Variants in ACSM2A observed in about 807,000 individuals in gnomAD.
The protein encoded by ACSM2A is acyl-coenzyme A synthetase ACSM2A, mitochondrial.
A neutral mutation model predicts 76.6 loss-of-function variants in ACSM2A; 72 were observed. That is an observed-to-expected ratio of 0.94 (90% CI 0.78 to 1.14). ACSM2A has a LOEUF of 1.14. Ranked by LOEUF, ACSM2A falls within the 50% of genes most tolerant of loss-of-function variation. ACSM2A has a pLI of 0.00. For synonymous variants in ACSM2A, 249 were observed against 255.9 expected (o/e 0.97, Z 0.26); for missense variants, 684 against 708.5 (o/e 0.97, Z 0.39).
In ACSM2A at chr16:20,486,630, G is replaced by A. The variant is rs1054980; in HGVS notation, c.1686G>A (p.Lys562=). 30 of 1,613,954 alleles carry A rather than the reference G, an allele frequency of 1.9e-5. No homozygotes were observed. Among genetic ancestry groups the A allele is most frequent in the East Asian group, 2.2e-5 (1 of 44,902 alleles). Reference sequence around the variant, plus strand: ...TCACAGGGAAAATTCAACGAGCCAAGCTTCGAGACAAGGAGTGGAAGATGT... The same window carrying A: ...TCACAGGGAAAATTCAACGAGCCAAACTTCGAGACAAGGAGTGGAAGATGT... The part of the protein sequence containing the change: ...KTVTGKIQRA[K]LRDKEWKMSG... The change falls in exon 14 of 14, where the codon AAG becomes AAA. Residue 562 remains lysine (K), a synonymous_variant. Coordinates refer to ENST00000573854, the MANE Select transcript of ACSM2A (RefSeq NM_001308172.2).
chr16:20,475,403 C>T lies in ACSM2A; in HGVS notation c.936C>T (p.Pro312=), dbSNP rs4453479. ...CAATCAAGAGTATGATGGGTGCCCC[C>T]ATTGTTTACCGGATGTTGCTACAGC... ...SYPIKSMMGA[P]IVYRMLLQQD... Residue 312 remains proline (P), a synonymous_variant, in exon 7 of 14, where the codon CCC becomes CCT. Coordinates refer to ENST00000573854, the MANE Select transcript of ACSM2A (RefSeq NM_001308172.2). The T allele has an allele frequency of 1.7e-4, 271 of 1,612,280 alleles. 2 individuals are homozygous for T. The African/African-American group carries it at 1.8e-3, about 11-fold the overall frequency.
chr16:20,486,546 C>A, intron 13 of ACSM2A, 28 bp from the exon 14 acceptor site: 1 of 1,612,380 alleles, frequency 6.2e-7, no homozygotes, highest in Non-Finnish European at 8.5e-7. Context: ...ACAGATCACC[C>A]ACCCTGGACT....
chr16:20,479,685 C>A lies in ACSM2A; in HGVS notation c.1282-888C>A, dbSNP rs566822048. ...AGCATTTCCTTTGTGTGGTCCCACT[C>A]TATTCTCAAATGCCAGTGAAGTACT... On this transcript the variant is annotated intron_variant, in intron 10 of 13. Transcript: ENST00000573854. Among the ~76,000 whole-genome samples the A allele has an allele frequency of 4.5e-4, 69 of 152,310 alleles. 1 individual carries two copies. The Middle Eastern group carries it at 0.01, about 23-fold the overall frequency.
At chr16:20,480,792 G>T in intron 11 of ACSM2A, 30 bp from the exon 12 acceptor site, 2 of 1,613,854 alleles carry the variant, frequency 1.2e-6, no homozygotes, top group Non-Finnish European at 1.7e-6. Context: ...TCGGTGTCCA[G>T]TGTTCTCTGA....
At chr16:20,478,513 A>G (rs918859958) in intron 9 of ACSM2A, 63 bp from the exon 10 acceptor site, 1 of 1,569,860 alleles carries the variant, frequency 6.4e-7, no homozygotes, top group Non-Finnish European at 8.7e-7. Flanking sequence ...CAGCAATCTC[A>G]TGATGCCATT....
chr16:20,475,047 A>G (rs1021190905), intron 6 of ACSM2A, among the ~76,000 whole-genome samples: 1 of 147,966 alleles, frequency 6.8e-6, no homozygotes, highest in South Asian at 2.1e-4. Flanking sequence ...CTGGGGGGTG[A>G]TCTACTCCTA....
intron 3 of ACSM2A, among the ~76,000 whole-genome samples, chr16:20,467,806 A>G (rs1337095111): frequency 6.6e-6 from 1 of 152,148 alleles, no homozygotes; most frequent in African/African-American, 2.4e-5. Context: ...TTTGACATGG[A>G]GACAGAAATT....
In ACSM2A at chr16:20,475,681, A is replaced by C; in HGVS notation, c.1006A>C (p.Thr336Pro). ...GTTCCCCCATCTACAGAACTGCGTCACTGTAGGGGAGTCCCTTCTTCCAGA... is the reference window on the plus strand; with the variant it reads ...GTTCCCCCATCTACAGAACTGCGTCCCTGTAGGGGAGTCCCTTCTTCCAGA... ...YKFPHLQNCV[T>P]VGESLLPETL... Residue 336 changes from threonine (T) to proline (P), a missense_variant, in exon 8 of 14, where the codon ACT becomes CCT. This residue lies in a region of ACSM2A where 519 missense variants were observed against 549.5 expected (regional missense o/e 0.94). Transcript: ENST00000573854. 7.4e-6 allele frequency: 12 copies of C among 1,613,974 alleles called. No individual in the cohort carries two copies. Among genetic ancestry groups the C allele is most frequent in the Non-Finnish European group, 1.0e-5 (12 of 1,179,904 alleles).
intron 4 of ACSM2A, among the ~76,000 whole-genome samples, chr16:20,470,018 C>T (rs1202578692): frequency 2.6e-5 from 4 of 151,796 alleles, no homozygotes; most frequent in African/African-American, 4.9e-5. Flanking sequence ...CATCTGGTCC[C>T]CACAGGTTCA....
intron 8 of ACSM2A, chr16:20,476,010 A>G: frequency 7.1e-6 from 8 of 1,121,286 alleles, no homozygotes; most frequent in Non-Finnish European, 9.3e-6. Flanking sequence ...AAAATAAACT[A>G]AGAAATATCT....
intron 1 of ACSM2A, among the ~76,000 whole-genome samples, chr16:20,458,673 T>C (rs986834888): frequency 2.1e-5 from 3 of 141,810 alleles, no homozygotes; most frequent in African/African-American, 7.7e-5. Context: ...ATATAATATA[T>C]CTATATATCT....
At chr16:20,469,152 T>A (rs1596655729) in intron 3 of ACSM2A, among the ~76,000 whole-genome samples, 1 of 152,202 alleles carries the variant, frequency 6.6e-6, no homozygotes, top group East Asian at 1.9e-4. Context: ...CCTTTCCTCA[T>A]GATTCTTTAA....
At chr16:20,459,470 T>C (rs1368468589) in intron 1 of ACSM2A, among the ~76,000 whole-genome samples, 1 of 152,192 alleles carries the variant, frequency 6.6e-6, no homozygotes, top group Non-Finnish European at 1.5e-5. Flanking sequence ...GTCATGCATA[T>C]TTTCCCCTAT....
At chr16:20,485,666 C>G (rs1338648324) in intron 13 of ACSM2A, among the ~76,000 whole-genome samples, 1 of 152,200 alleles carries the variant, frequency 6.6e-6, no homozygotes, top group Non-Finnish European at 1.5e-5. Context: ...TTGCTGACCT[C>G]TCCTCCATTT....
chr16:20,471,279 G>C, intron 5 of ACSM2A, 63 bp downstream of exon 5: 5 of 1,577,896 alleles, frequency 3.2e-6, no homozygotes, highest in Non-Finnish European at 4.3e-6. Flanking sequence ...AGGAGAATGA[G>C]ACCCAATTAT....
intron 2 of ACSM2A, among the ~76,000 whole-genome samples, chr16:20,462,648 T>C (rs950507933): frequency 3.3e-5 from 5 of 152,114 alleles, no homozygotes; most frequent in African/African-American, 1.2e-4. Context: ...TGAGGATACA[T>C]GAGACTCTTT....
chr16:20,455,460 C>T (rs1342777188), intron 1 of ACSM2A, among the ~76,000 whole-genome samples: 1 of 151,156 alleles, frequency 6.6e-6, no homozygotes, highest in African/African-American at 2.4e-5. Context: ...CAGCAGAAAT[C>T]CTACAAGCTA....
intron 8 of ACSM2A, chr16:20,476,660 G>A: frequency 1.0e-6 from 1 of 986,808 alleles, no homozygotes; most frequent in Non-Finnish European, 1.2e-6. Context: ...CTCTTCTGAG[G>A]TGGGTGGATA....
chr16:20,474,462 C>T (rs2013606566), intron 6 of ACSM2A, among the ~76,000 whole-genome samples: 1 of 152,192 alleles, frequency 6.6e-6, no homozygotes, highest in African/African-American at 2.4e-5. Context: ...GAGTCCCCAA[C>T]AGCAAGAAGG....
Sources: allele counts gnomAD v4.1 joint callset (sites outside exome capture counted in the v4.1 genomes callset), GRCh38; gene constraint gnomAD v4.1.1; regional missense constraint gnomAD v4.1.1; transcripts MANE v1.5; gene names NCBI Gene and HGNC (gene_info 2026-07-23, HGNC 2026-07-21).